Variants in ARL6IP6 observed in about 807,000 individuals in gnomAD.
ARL6IP6 encodes the protein ADP-ribosylation factor-like protein 6-interacting protein 6.
In ARL6IP6, 22 loss-of-function variants were observed where a neutral mutation model predicts 21.5. That is an observed-to-expected ratio of 1.02 (90% confidence interval 0.73 to 1.46). The LOEUF is 1.46. Ranked by LOEUF, ARL6IP6 falls within the 40% of genes most tolerant of loss-of-function variation. ARL6IP6 has a pLI of 0.00. For missense variants in ARL6IP6, 388 were observed against 299.8 expected (o/e 1.29, Z -2.17); for synonymous variants, 164 against 125.3 (o/e 1.31, Z -2.06).
At chr2:152,755,891 A>T (rs983194120) in intron 3 of ARL6IP6, among the ~76,000 whole-genome samples, 2 of 152,222 alleles carry the variant, frequency 1.3e-5, no homozygotes, top group African/African-American at 4.8e-5. Flanking sequence ...ACATGTGTAT[A>T]TCTTTGGATA....
intron 3 of ARL6IP6, among the ~76,000 whole-genome samples, chr2:152,754,436 A>G (rs1365982219): frequency 6.6e-6 from 1 of 152,160 alleles, no homozygotes; most frequent in Non-Finnish European, 1.5e-5. Flanking sequence ...GGTTTTCCGT[A>G]TGGATATACC....
chr2:152,751,949 T>A, intron 3 of ARL6IP6, among the ~76,000 whole-genome samples: 1 of 152,234 alleles, frequency 6.6e-6, no homozygotes, highest in Non-Finnish European at 1.5e-5. Context: ...AGAAACTTCA[T>A]ACTGTTTTCC....
rs1366304684 is a variant in ARL6IP6 at position 152,762,290 on chromosome 2, A to G, written c.*2450A>G. Among the ~76,000 whole-genome samples the G allele has an allele frequency of 6.6e-6, 1 of 152,222 alleles. No individual in the cohort carries two copies. Among genetic ancestry groups the G allele is most frequent in the Middle Eastern group, 3.2e-3 (1 of 316 alleles). ...CTCAGTGGGAAAGAATAAGGCTGAT[A>G]ACGGATATTGCTAATGGCGTTACCC... is the stretch of plus-strand genomic sequence containing the variant. On this transcript the variant is annotated 3_prime_UTR_variant, in exon 4 of 4. Transcript: ENST00000326446.
chr2:152,725,041 G>A (rs1362317578), intron 2 of ARL6IP6, among the ~76,000 whole-genome samples: 1 of 152,128 alleles, frequency 6.6e-6, no homozygotes, highest in African/African-American at 2.4e-5. Flanking sequence ...GGGCTCATTG[G>A]ACCATTTTTC....
intron 3 of ARL6IP6, among the ~76,000 whole-genome samples, chr2:152,743,991 C>G (rs767299655): frequency 1.3e-5 from 2 of 152,124 alleles, no homozygotes; most frequent in Non-Finnish European, 2.9e-5. Context: ...GACTTCTATG[C>G]TAAGAGATTT....
intron 3 of ARL6IP6, among the ~76,000 whole-genome samples, chr2:152,753,042 G>A (rs962321264): frequency 6.6e-6 from 1 of 152,092 alleles, no homozygotes; most frequent in African/African-American, 2.4e-5. Context: ...GGAGGCTGGA[G>A]TGGGAGGATC....
At chr2:152,752,768 G>A (rs1245211760) in intron 3 of ARL6IP6, among the ~76,000 whole-genome samples, 2 of 152,186 alleles carry the variant, frequency 1.3e-5, no homozygotes, top group African/African-American at 4.8e-5. Context: ...GAAGGTTGTA[G>A]GGAGAATAAT....
chr2:152,748,664 T>G (rs1348450443), intron 3 of ARL6IP6, among the ~76,000 whole-genome samples: 1 of 152,240 alleles, frequency 6.6e-6, no homozygotes, highest in African/African-American at 2.4e-5. Context: ...TATCTTCTTA[T>G]TCTGGCAAGC....
At chr2:152,732,586 T>C in intron 2 of ARL6IP6, 1 of 449,536 alleles carries the variant, frequency 2.2e-6, no homozygotes, top group Non-Finnish European at 4.5e-6. Context: ...CAAAGGTATG[T>C]TTTATTTAAA....
intron 3 of ARL6IP6, among the ~76,000 whole-genome samples, chr2:152,756,977 A>G (rs2105193279): frequency 1.3e-5 from 2 of 152,308 alleles, no homozygotes; most frequent in Middle Eastern, 6.8e-3. Context: ...TAGTACCTGT[A>G]TGTATAGGAG....
chr2:152,738,589 A>G (rs1700656113), intron 3 of ARL6IP6, among the ~76,000 whole-genome samples: 1 of 152,204 alleles, frequency 6.6e-6, no homozygotes, highest in Non-Finnish European at 1.5e-5. Context: ...TAAGCCACCA[A>G]GGCTTGGGGT....
chr2:152,743,687 GA>G (rs552330909), intron 3 of ARL6IP6, among the ~76,000 whole-genome samples: 1 of 151,518 alleles, frequency 6.6e-6, no homozygotes, highest in African/African-American at 2.4e-5. Context: ...TTCCAAGGAG[GA>G]AAAAAAATCA....
At chr2:152,758,295 T>G (rs573102837) in intron 3 of ARL6IP6, among the ~76,000 whole-genome samples, 1 of 152,272 alleles carries the variant, frequency 6.6e-6, no homozygotes, top group South Asian at 2.1e-4. Context: ...TCTGTACGGA[T>G]GCATTTTTTT....
intron 3 of ARL6IP6, among the ~76,000 whole-genome samples, chr2:152,754,521 A>G (rs918487001): frequency 3.9e-5 from 6 of 152,182 alleles, no homozygotes; most frequent in African/African-American, 7.2e-5. Context: ...TAATGTTGCT[A>G]TGAACACTCA....
At chr2:152,748,829 CAG>C (rs1458346007) in intron 3 of ARL6IP6, among the ~76,000 whole-genome samples, 1 of 152,200 alleles carries the variant, frequency 6.6e-6, no homozygotes, top group African/African-American at 2.4e-5. Flanking sequence ...ATTATTCTAA[CAG>C]AGTGGAGTCT....
chr2:152,717,678 T>A, upstream of ARL6IP6: 5 of 1,378,136 alleles, frequency 3.6e-6, no homozygotes, highest in Non-Finnish European at 4.7e-6. Context: ...CGCCGAGTCC[T>A]CCGTCGGGAA....
At chr2:152,718,408 A>T (rs1050046369), upstream of ARL6IP6, 1 of 551,162 alleles carries the variant, frequency 1.8e-6, no homozygotes, top group Non-Finnish European at 2.8e-6. Context: ...CTTTCCGGCT[A>T]CAGCCCTGGG....
At chr2:152,734,488 G>C (rs1700463663) in intron 2 of ARL6IP6, among the ~76,000 whole-genome samples, 1 of 152,118 alleles carries the variant, frequency 6.6e-6, no homozygotes. Context: ...TGAAAAATCT[G>C]ATGAACTTTT....
intron 3 of ARL6IP6, among the ~76,000 whole-genome samples, chr2:152,757,417 A>G (rs1027608206): frequency 2.0e-5 from 3 of 151,636 alleles, no homozygotes; most frequent in Non-Finnish European, 4.4e-5. Context: ...ATAGATATAG[A>G]TTGGATGAGG....
Sources: allele counts gnomAD v4.1 joint callset (sites outside exome capture counted in the v4.1 genomes callset), GRCh38; gene constraint gnomAD v4.1.1; transcripts MANE v1.5; gene names NCBI Gene and HGNC (gene_info 2026-07-23, HGNC 2026-07-21).